PHTF1: variants seen among roughly 807,000 people sequenced by gnomAD.
PHTF1 encodes protein PHTF1.
In PHTF1, 88 loss-of-function variants were observed where a neutral mutation model predicts 102.4. The ratio of observed to expected loss-of-function variants is 0.86; its 90% CI spans 0.72 to 1.03. The LOEUF (loss-of-function observed/expected upper bound fraction) is 1.03, where lower values mean the gene tolerates loss of function less well. Among genes scored for constraint, PHTF1 ranks in the 50% least tolerant of loss-of-function variants. PHTF1 has a pLI of 0.00. For missense variants in PHTF1, 814 were observed against 909.5 expected, an observed-to-expected ratio of 0.89 and a Z score of 1.35; for synonymous variants, 289 against 305.2, an observed-to-expected ratio of 0.95 and a Z score of 0.55.
chr1:113,724,266 G>A (rs180688220), intron 7 of PHTF1, among the ~76,000 whole-genome samples: 111 of 152,222 alleles, frequency 7.3e-4, no homozygotes, highest in African/African-American at 2.5e-3. Flanking sequence ...CCCACTGCTA[G>A]GTATATAACC....
At chr1:113,757,233 G>A (rs1034182531) in intron 3 of PHTF1, among the ~76,000 whole-genome samples, 1 of 152,116 alleles carries the variant, frequency 6.6e-6, no homozygotes, top group Non-Finnish European at 1.5e-5. Flanking sequence ...AATAAAATGG[G>A]GGACCATAGG....
At chr1:113,753,527 A>C (rs1179755477) in intron 3 of PHTF1, among the ~76,000 whole-genome samples, 1 of 152,008 alleles carries the variant, frequency 6.6e-6, no homozygotes, top group Non-Finnish European at 1.5e-5. Flanking sequence ...TCCCACACTC[A>C]AACGATTCTC....
Position 113,710,445 on chromosome 1 carries a change from G to A in PHTF1, c.1078C>T (p.Arg360Ter), listed in dbSNP as rs779942328. The A allele has an allele frequency of 9.9e-6, 16 of 1,613,706 alleles. No homozygotes were observed. Among genetic ancestry groups the A allele is most frequent in the Middle Eastern group, 1.6e-4 (1 of 6,078 alleles). The change falls in exon 11 of 19, where the codon CGA becomes TGA. Residue 360 changes from arginine (R) to a stop codon, truncating the protein, a stop_gained. Transcript: ENST00000369604. LOFTEE classifies it high-confidence loss of function. ...TCTCTTCTTGACATGTTGAGGCTTC[G>A]AGAGCCACCACTCACACCCGATCTA... ...GSRSGVSGGS[R>*]SLNMSRRDSE...
intron 3 of PHTF1, among the ~76,000 whole-genome samples, chr1:113,742,045 T>C (rs992267297): frequency 6.6e-6 from 1 of 152,222 alleles, no homozygotes; most frequent in Non-Finnish European, 1.5e-5. Flanking sequence ...AGGAAGTACA[T>C]GGCAGGCACT....
intron 11 of PHTF1, among the ~76,000 whole-genome samples, chr1:113,709,072 T>C (rs1484026776): frequency 6.6e-6 from 1 of 151,974 alleles, no homozygotes; most frequent in Non-Finnish European, 1.5e-5. Flanking sequence ...CTAAGCAACA[T>C]AGTGCGACCC....
intron 3 of PHTF1, among the ~76,000 whole-genome samples, chr1:113,744,064 T>C (rs41534747): frequency 0.018 from 2,719 of 152,206 alleles, 100 homozygotes; most frequent in African/African-American, 0.062. Context: ...GCATTATGAG[T>C]GGATTTCCTT....
Position 113,700,954 on chromosome 1 carries a change from AC to A in PHTF1, c.1891-6del. On this transcript the variant is annotated splice_region_variant and splice_polypyrimidine_tract_variant and intron_variant, in intron 15 of 18. Transcript: ENST00000369604. ...AGTTTTATGTCCTTGGAGAACCTATACAAAGGATCAAAAAAAAGTTAAGTTT... is the reference window on the plus strand; with the variant it reads ...AGTTTTATGTCCTTGGAGAACCTATAAAAGGATCAAAAAAAAGTTAAGTTT... 6.3e-7 allele frequency: 1 copy of A among 1,586,134 alleles called. No homozygotes were observed. The highest frequency in any genetic ancestry group is 2.2e-5 in the East Asian group (1 of 44,732).
At chr1:113,733,503 G>C (rs2101553283) in intron 5 of PHTF1, among the ~76,000 whole-genome samples, 2 of 152,148 alleles carry the variant, frequency 1.3e-5, no homozygotes, top group Middle Eastern at 3.4e-3. Flanking sequence ...AACTCATATT[G>C]AAATCTTAAT....
chr1:113,753,310 G>C (rs935584478), intron 3 of PHTF1, among the ~76,000 whole-genome samples: 7 of 152,140 alleles, frequency 4.6e-5, no homozygotes, highest in African/African-American at 1.7e-4. Context: ...TTCTGAAAAA[G>C]TTTGTGTAGA....
chr1:113,710,241 T>G lies in PHTF1; in HGVS notation c.1269+13A>C. ...CAATAAATACTAGCTATTCTTATCA[T>G]GTCTGCACAGACCTGCTGAAAAACA... On this transcript the variant is annotated intron_variant, in intron 11 of 18. Coordinates refer to ENST00000369604, the MANE Select transcript of PHTF1 (RefSeq NM_001323043.2). The G allele has an allele frequency of 6.3e-7, 1 of 1,590,326 alleles. No homozygotes were observed. Among genetic ancestry groups the G allele is most frequent in the Non-Finnish European group, 8.6e-7 (1 of 1,159,652 alleles).
chr1:113,701,903 A>G (rs1385850064), intron 15 of PHTF1, among the ~76,000 whole-genome samples: 2 of 150,304 alleles, frequency 1.3e-5, no homozygotes, highest in Non-Finnish European at 3.0e-5. Context: ...CAAACAAGCA[A>G]AAACTGAGGG....
intron 7 of PHTF1, among the ~76,000 whole-genome samples, chr1:113,719,940 G>A (rs1386725055): frequency 1.3e-5 from 2 of 152,120 alleles, no homozygotes; most frequent in Non-Finnish European, 1.5e-5. Flanking sequence ...CTTAGATGGT[G>A]GCGGCAAGAG....
At chr1:113,722,177 C>T (rs916655283) in intron 7 of PHTF1, among the ~76,000 whole-genome samples, 6 of 151,856 alleles carry the variant, frequency 4.0e-5, no homozygotes, top group Non-Finnish European at 5.9e-5. Flanking sequence ...CGCAGCCGGG[C>T]GCAGTGGGTC....
intron 4 of PHTF1, 108 bp downstream of exon 4, chr1:113,738,622 G>T: frequency 1.4e-6 from 1 of 713,948 alleles, no homozygotes; most frequent in Non-Finnish European, 2.4e-6. Flanking sequence ...AGAGTAAAGT[G>T]TTACATTTAG....
intron 3 of PHTF1, among the ~76,000 whole-genome samples, chr1:113,753,713 C>A (rs751937030): frequency 1.3e-5 from 2 of 151,786 alleles, no homozygotes; most frequent in African/African-American, 2.4e-5. Flanking sequence ...CATCAGCCAC[C>A]GTGCCCAGCC....
Position 113,713,440 on chromosome 1 carries a change from T to G in PHTF1, c.624-2A>C. 6.7e-7 allele frequency: 1 copy of G among 1,488,010 alleles called. No individual in the cohort carries two copies. Among genetic ancestry groups the G allele is most frequent in the Non-Finnish European group, 9.2e-7 (1 of 1,088,090 alleles). 92.2% of individuals were successfully genotyped at this position (1,488,010 alleles called of 1,614,324 possible). A position where few individuals can be genotyped will look rare whatever the true frequency, so the allele number is the denominator to read the frequency against. On this transcript the variant is annotated splice_acceptor_variant, in intron 7 of 18. Transcript: ENST00000369604. LOFTEE classifies it high-confidence loss of function. ...GATATTAATTTTACTCTTTTAATCC[T>G]ATTTTTTAAAAAAGGAAAAGAAGAT...
In PHTF1 at chr1:113,699,721, AC is replaced by A; in HGVS notation, c.2124del (p.Ser709ProfsTer5). 1 of 1,441,248 alleles carries A rather than the reference AC, an allele frequency of 6.9e-7. No individual in the cohort carries two copies. The highest frequency in any genetic ancestry group is 9.7e-7 in the Non-Finnish European group (1 of 1,034,424). The allele number at this position is 1,441,248 out of a possible 1,614,324, so 89.3% of individuals were successfully genotyped here. The stretch of plus-strand genomic sequence containing the variant: ...TGACTTACTTTCAACAACTTGGTGG[AC>A]AGCTTTAATACATTGTTTACTAGAG... The part of the protein sequence containing the change: ...QLTLVNNVLK[L>X]STKLLKELDT... On this transcript the variant is annotated frameshift_variant, in exon 17 of 19. Transcript: ENST00000369604. LOFTEE classifies it high-confidence loss of function.
intron 3 of PHTF1, among the ~76,000 whole-genome samples, chr1:113,750,213 C>T (rs1571249102): frequency 6.6e-6 from 1 of 152,066 alleles, no homozygotes; most frequent in East Asian, 1.9e-4. Flanking sequence ...CCCAAACTCC[C>T]GGCCTCGAGC....
At position 113,758,721 on chromosome 1, in the gene PHTF1, G is replaced by A. The variant is rs1262253930; in HGVS notation, c.-18C>T. 3.7e-6 allele frequency: 6 copies of A among 1,609,124 alleles called. No homozygotes were observed. The highest frequency in any genetic ancestry group is 5.1e-6 in the Non-Finnish European group (6 of 1,177,690). ...GAGGCCATCTGTGTCTCCAGCCAGA[G>A]AATGGGATTTCACTGAAAATGAAGG... On this transcript the variant is annotated 5_prime_UTR_variant, in exon 2 of 19. Transcript: ENST00000369604.
Sources: allele counts gnomAD v4.1 joint callset (sites outside exome capture counted in the v4.1 genomes callset), GRCh38; gene constraint gnomAD v4.1.1; transcripts MANE v1.5; gene names NCBI Gene and HGNC (gene_info 2026-07-23, HGNC 2026-07-21).